GPR137B: variants seen among roughly 807,000 people sequenced by gnomAD.
GPR137B encodes G protein-coupled receptor 137B.
In GPR137B, 42 loss-of-function variants were observed where a neutral mutation model predicts 42.5. The observed-to-expected ratio is 0.99, with a 90% CI of 0.77 to 1.28. GPR137B has a LOEUF of 1.28. GPR137B is among the 50% of genes most tolerant of loss of function. The pLI is 0.00. For synonymous variants in GPR137B, 218 were observed against 209.7 expected, an observed-to-expected ratio of 1.04 and a Z score of -0.34; for missense variants, 487 against 493.9, an observed-to-expected ratio of 0.99 and a Z score of 0.13.
intron 5 of GPR137B, among the ~76,000 whole-genome samples, chr1:236,189,620 G>A (rs1663131934): frequency 6.6e-6 from 1 of 152,168 alleles, no homozygotes; most frequent in Non-Finnish European, 1.5e-5. Context: ...CATTGGTTGT[G>A]CAGTTTTGAG....
intron 1 of GPR137B, among the ~76,000 whole-genome samples, chr1:236,153,726 G>A (rs1432332932): frequency 6.6e-6 from 1 of 152,224 alleles, no homozygotes; most frequent in Non-Finnish European, 1.5e-5. Flanking sequence ...TTACAGTAGA[G>A]ATATGAAGTG....
At chr1:236,158,171 C>T (rs924672067) in intron 1 of GPR137B, among the ~76,000 whole-genome samples, 27 of 152,184 alleles carry the variant, frequency 1.8e-4, no homozygotes, top group African/African-American at 6.5e-4. Context: ...TGCCTGTAAT[C>T]CCAACACTTT....
Position 236,158,541 on chromosome 1 carries a change from A to G in GPR137B, c.415-10165A>G, listed in dbSNP as rs186761692. 1.1e-3 allele frequency among the ~76,000 whole-genome samples: 164 copies of G among 152,372 alleles called. 1 individual carries two copies. In the Middle Eastern group the frequency reaches 0.024, roughly 22 times the overall value. The stretch of plus-strand genomic sequence containing the variant: ...GTATATACATAAATTATTTTATAAT[A>G]TAAAGTTTCAACCTGCCATGCATTT... On this transcript the variant is annotated intron_variant, in intron 1 of 6. Transcript: ENST00000366592.
intron 2 of GPR137B, among the ~76,000 whole-genome samples, chr1:236,169,552 A>G (rs895804947): frequency 2.0e-5 from 3 of 152,246 alleles, no homozygotes; most frequent in Admixed American, 6.5e-5. Flanking sequence ...GATGTGCAAC[A>G]TGCCAAAAAC....
chr1:236,161,875 G>A (rs1033710648), intron 1 of GPR137B, among the ~76,000 whole-genome samples: 2 of 151,356 alleles, frequency 1.3e-5, no homozygotes, highest in South Asian at 2.1e-4. Flanking sequence ...TCCTAGTCTC[G>A]GGTATGTCTT....
intron 5 of GPR137B, 92 bp downstream of exon 5, chr1:236,183,998 G>C (rs1484469899): frequency 1.2e-6 from 1 of 830,606 alleles, no homozygotes. Flanking sequence ...TTTCAGAAGA[G>C]AGCCTCTTCC....
intron 5 of GPR137B, among the ~76,000 whole-genome samples, chr1:236,197,512 G>A (rs1435737644): frequency 6.6e-6 from 1 of 152,062 alleles, no homozygotes; most frequent in Non-Finnish European, 1.5e-5. Flanking sequence ...AATTTTTCTG[G>A]TTTCAGGTCT....
At chr1:236,165,840 G>A (rs185324310) in intron 1 of GPR137B, among the ~76,000 whole-genome samples, 7 of 152,080 alleles carry the variant, frequency 4.6e-5, no homozygotes, top group East Asian at 1.9e-4. Flanking sequence ...ATTTATTTTC[G>A]GTAATATTTC....
chr1:236,162,256 G>A (rs1662224072), intron 1 of GPR137B, among the ~76,000 whole-genome samples: 1 of 152,156 alleles, frequency 6.6e-6, no homozygotes, highest in Admixed American at 6.6e-5. Context: ...TCAGAGAGAT[G>A]ATTTAGGGTA....
intron 5 of GPR137B, among the ~76,000 whole-genome samples, chr1:236,184,605 T>G (rs1457511202): frequency 2.6e-5 from 4 of 152,172 alleles, no homozygotes. Flanking sequence ...GAGCGGGTGG[T>G]GAAGAAGGCA....
intron 2 of GPR137B, among the ~76,000 whole-genome samples, chr1:236,169,172 C>CTGCAGGTGCAGGTGCAGGTGCAGG (rs879888159): frequency 1.6e-4 from 24 of 148,698 alleles, no homozygotes; most frequent in African/African-American, 5.6e-4. Flanking sequence ...CATGCTCCCA[C>CTGCAGGTGCAGGTGCAGGTGCAGG]TGCAGGTGCA....
intron 5 of GPR137B, among the ~76,000 whole-genome samples, chr1:236,199,755 T>G (rs944931996): frequency 3.3e-5 from 5 of 152,048 alleles, no homozygotes; most frequent in Non-Finnish European, 1.5e-5. Context: ...GTCTTCTTGG[T>G]TAATCTCACT....
At chr1:236,144,711 A>C (rs956909340) in intron 1 of GPR137B, among the ~76,000 whole-genome samples, 18 of 152,226 alleles carry the variant, frequency 1.2e-4, no homozygotes, top group African/African-American at 4.3e-4. Flanking sequence ...GGGTTTTGTA[A>C]TTGAAATGAG....
At chr1:236,168,322 C>G (rs1662425123) in intron 1 of GPR137B, among the ~76,000 whole-genome samples, 1 of 151,238 alleles carries the variant, frequency 6.6e-6, no homozygotes, top group Admixed American at 6.6e-5. Flanking sequence ...ACTTGGGAGG[C>G]TGAGGCAGGA....
chr1:236,143,687 C>A (rs1284865700), intron 1 of GPR137B, among the ~76,000 whole-genome samples: 1 of 152,150 alleles, frequency 6.6e-6, no homozygotes, highest in East Asian at 1.9e-4. Flanking sequence ...ATCTGAGAGG[C>A]CCCAAGAAAA....
intron 1 of GPR137B, among the ~76,000 whole-genome samples, chr1:236,148,964 A>C (rs949220256): frequency 6.6e-6 from 1 of 152,124 alleles, no homozygotes; most frequent in Non-Finnish European, 1.5e-5. Flanking sequence ...AGAAACTGTA[A>C]TACTCATCCC....
chr1:236,192,628 C>T (rs113368545), intron 5 of GPR137B, among the ~76,000 whole-genome samples: 1,633 of 152,108 alleles, frequency 0.011, 31 homozygotes, highest in African/African-American at 0.03. Context: ...TCGATCGAGG[C>T]GACACCCCAC....
intron 2 of GPR137B, among the ~76,000 whole-genome samples, chr1:236,173,305 A>G (rs1367181188): frequency 8.9e-5 from 13 of 146,678 alleles, no homozygotes; most frequent in Non-Finnish European, 1.8e-4. Flanking sequence ...AAAAAAAAAA[A>G]GAAGAAAGAA....
intron 5 of GPR137B, among the ~76,000 whole-genome samples, chr1:236,199,934 G>T (rs564273188): frequency 6.6e-6 from 1 of 151,962 alleles, no homozygotes; most frequent in African/African-American, 2.4e-5. Flanking sequence ...ATTCCTTGAG[G>T]TAGGACCTTA....
Sources: gnomAD v4.1 joint callset for allele counts (sites outside exome capture counted in the v4.1 genomes callset) on GRCh38, gnomAD v4.1.1 for gene constraint, MANE v1.5 for transcripts, NCBI Gene and HGNC (gene_info 2026-07-23, HGNC 2026-07-21) for gene names.